ASIC2: variants seen among roughly 807,000 people sequenced by gnomAD.
ASIC2 encodes the protein acid sensing ion channel subunit 2, also known as acid-sensing ion channel 2.
In ASIC2, 25 loss-of-function variants were observed where a neutral mutation model predicts 57.3. That is an observed-to-expected ratio of 0.44 (90% CI 0.32 to 0.61). The LOEUF is 0.61. Among genes scored for constraint, ASIC2 ranks in the 20% least tolerant of loss-of-function variants. The pLI is 0.06. For synonymous variants in ASIC2, 319 were observed against 307.5 expected (o/e 1.04, Z -0.39); for missense variants, 641 against 738.1 (o/e 0.87, Z 1.52).
At chr17:34,055,102 G>T (rs1461117134) in intron 1 of ASIC2, among the ~76,000 whole-genome samples, 1 of 152,162 alleles carries the variant, frequency 6.6e-6, no homozygotes, top group East Asian at 1.9e-4. Context: ...AGAGGAAGAG[G>T]ATATAAAGTG....
At chr17:33,748,143 C>T (rs945077232) in intron 1 of ASIC2, among the ~76,000 whole-genome samples, 2 of 152,218 alleles carry the variant, frequency 1.3e-5, no homozygotes, top group African/African-American at 2.4e-5. Context: ...ACCCTTCTGC[C>T]GGCCACACTC....
chr17:33,298,105 T>A (rs1905796820), upstream of ASIC2, among the ~76,000 whole-genome samples: 1 of 151,532 alleles, frequency 6.6e-6, no homozygotes, highest in East Asian at 1.9e-4. Flanking sequence ...CTGATACCTT[T>A]TTATTATTTA....
chr17:33,504,209 G>A (rs542921152), intron 1 of ASIC2, among the ~76,000 whole-genome samples: 30 of 152,244 alleles, frequency 2.0e-4, no homozygotes, highest in Admixed American at 1.8e-3. Context: ...TTCTCTCCTG[G>A]GCATACTTGT....
intron 1 of ASIC2, among the ~76,000 whole-genome samples, chr17:33,218,929 G>C (rs182634456): frequency 1.3e-5 from 2 of 152,180 alleles, no homozygotes; most frequent in African/African-American, 2.4e-5. Context: ...AACCACACCC[G>C]TGGAAGGGAG....
rs3064584 is a variant in ASIC2 at position 33,789,464 on chromosome 17, T to TCACACA, written c.555+366508_555+366513dup. 2.6e-3 allele frequency among the ~76,000 whole-genome samples: 380 copies of TCACACA among 144,510 alleles called. 3 individuals carry two copies. In the South Asian group the frequency reaches 0.036, roughly 14 times the overall value. 94.8% of individuals were successfully genotyped at this position (144,510 alleles called of 152,430 possible). On this transcript the variant is annotated intron_variant, in intron 1 of 9. Coordinates refer to the ASIC2 transcript ENST00000359872. ...TGTGAGATTTAGCAGAGAATCATGG[T>TCACACA]CACACACACACACACACACACACAC...
intron 1 of ASIC2, among the ~76,000 whole-genome samples, chr17:33,640,603 C>T (rs1350093523): frequency 2.6e-5 from 4 of 152,222 alleles, no homozygotes; most frequent in Admixed American, 2.6e-4. Context: ...TTTAAGAGTT[C>T]TTATTCAGTT....
chr17:33,073,209 G>T lies in ASIC2; in HGVS notation c.987+15654C>A, dbSNP rs553207975. On this transcript the variant is annotated intron_variant, in intron 3 of 9. Transcript: ENST00000225823. ...GCTAATGCAAAGTGGTTTCTTAAAAGCTTGGAAAATAAAAACAACAGCCAT... is the reference window on the plus strand; with the variant it reads ...GCTAATGCAAAGTGGTTTCTTAAAATCTTGGAAAATAAAAACAACAGCCAT... 7.9e-5 allele frequency among the ~76,000 whole-genome samples: 12 copies of T among 152,318 alleles called. No individual in the cohort carries two copies. The East Asian group carries it at 1.9e-3, about 24-fold the overall frequency.
intron 1 of ASIC2, among the ~76,000 whole-genome samples, chr17:33,971,607 T>C (rs972483728): frequency 2.0e-5 from 3 of 152,170 alleles, no homozygotes; most frequent in African/African-American, 7.2e-5. Context: ...AAATGCAAGA[T>C]TGTGTCAGGA....
At chr17:34,119,058 T>C (rs1043949009) in intron 1 of ASIC2, among the ~76,000 whole-genome samples, 5 of 152,208 alleles carry the variant, frequency 3.3e-5, no homozygotes, top group African/African-American at 1.2e-4. Flanking sequence ...GTTCATCCTA[T>C]AAGCTGTCTC....
chr17:34,149,344 C>T (rs1340347585), intron 1 of ASIC2, among the ~76,000 whole-genome samples: 1 of 152,120 alleles, frequency 6.6e-6, no homozygotes, highest in East Asian at 1.9e-4. Flanking sequence ...TTATTTCCCA[C>T]ACTTCCCAAA....
chr17:34,101,406 T>C (rs886955385), intron 1 of ASIC2, among the ~76,000 whole-genome samples: 4 of 152,196 alleles, frequency 2.6e-5, no homozygotes, highest in Non-Finnish European at 2.9e-5. Context: ...CAGTACTTTT[T>C]CTGCTTACCA....
chr17:33,274,690 G>A lies in ASIC2; in HGVS notation c.708+16718C>T, dbSNP rs528475261. Among the ~76,000 whole-genome samples the A allele has an allele frequency of 4.6e-5, 6 of 130,962 alleles. No homozygotes were observed. In the East Asian group the frequency reaches 1.4e-3, roughly 30 times the overall value. 85.9% of individuals were successfully genotyped at this position (130,962 alleles called of 152,430 possible). ...CAGAATCTCTGGGGGTTGAGCTTGG[G>A]CTTTAGCATTAAAAAACAAAATTTC... is the stretch of plus-strand genomic sequence containing the variant. On this transcript the variant is annotated intron_variant, in intron 1 of 9. Coordinates refer to ENST00000225823, the MANE Select transcript of ASIC2 (RefSeq NM_183377.2).
At chr17:33,734,728 C>T (rs1455105396) in intron 1 of ASIC2, among the ~76,000 whole-genome samples, 2 of 152,158 alleles carry the variant, frequency 1.3e-5, no homozygotes, top group Admixed American at 1.3e-4. Context: ...CACCAGAGTG[C>T]ATCTTTCTCT....
intron 1 of ASIC2, among the ~76,000 whole-genome samples, chr17:33,127,407 T>C (rs184930748): frequency 1.2e-4 from 19 of 152,330 alleles, no homozygotes; most frequent in Non-Finnish European, 2.4e-4. Flanking sequence ...TGTTCCATTG[T>C]GCCTGAATAT....
intron 1 of ASIC2, among the ~76,000 whole-genome samples, chr17:33,427,354 T>C (rs1911253861): frequency 1.3e-5 from 2 of 152,212 alleles, no homozygotes; most frequent in South Asian, 4.1e-4. Flanking sequence ...GGGAATAATC[T>C]GCTAGCAGAA....
chr17:33,248,420 T>C (rs1331864283), intron 1 of ASIC2, among the ~76,000 whole-genome samples: 1 of 152,228 alleles, frequency 6.6e-6, no homozygotes, highest in Non-Finnish European at 1.5e-5. Context: ...GAACAAATGA[T>C]TAATGTGATC....
chr17:33,111,889 C>A, intron 2 of ASIC2, 28 bp downstream of exon 2: 1 of 1,593,872 alleles, frequency 6.3e-7, no homozygotes, highest in Non-Finnish European at 8.5e-7. Context: ...CACCATCACC[C>A]AATGCCCGGT....
intron 1 of ASIC2, among the ~76,000 whole-genome samples, chr17:34,098,185 G>A (rs1168263163): frequency 2.0e-5 from 3 of 152,168 alleles, no homozygotes; most frequent in African/African-American, 4.8e-5. Flanking sequence ...GACACAATGA[G>A]GTGAGCAGCC....
At chr17:34,109,390 G>A (rs939626579) in intron 1 of ASIC2, among the ~76,000 whole-genome samples, 1 of 152,060 alleles carries the variant, frequency 6.6e-6, no homozygotes, top group Non-Finnish European at 1.5e-5. Context: ...TACAAACAAT[G>A]CCAAAAGTAT....
Sources: allele counts gnomAD v4.1 joint callset (sites outside exome capture counted in the v4.1 genomes callset), GRCh38; gene constraint gnomAD v4.1.1; transcripts MANE v1.5; gene names NCBI Gene and HGNC (gene_info 2026-07-23, HGNC 2026-07-21).